DTHD1: variants seen among roughly 807,000 people sequenced by gnomAD.
The protein encoded by DTHD1 is death domain containing 1, also known as death domain-containing protein 1.
In DTHD1, 59 loss-of-function variants were observed where a neutral mutation model predicts 74.8. That is an observed-to-expected ratio of 0.79 (90% CI 0.64 to 0.98). The LOEUF (loss-of-function observed/expected upper bound fraction) is 0.98, where lower values mean the gene tolerates loss of function less well. DTHD1 is among the 50% of genes least tolerant of loss of function. The pLI is 0.00. For synonymous variants in DTHD1, 365 were observed against 371.1 expected (o/e 0.98, Z 0.19); for missense variants, 1,051 against 1,065.4 (o/e 0.99, Z 0.19).
intron 3 of DTHD1, among the ~76,000 whole-genome samples, chr4:36,292,197 C>G (rs1428656205): frequency 1.3e-5 from 2 of 152,014 alleles, no homozygotes; most frequent in African/African-American, 4.8e-5. Flanking sequence ...GACTGGGGCT[C>G]TTAAGTTTTG....
chr4:36,329,772 GGTT>G (rs1758563662), intron 8 of DTHD1, among the ~76,000 whole-genome samples: 1 of 152,160 alleles, frequency 6.6e-6, no homozygotes, highest in African/African-American at 2.4e-5. Context: ...GTAGAACTCA[GGTT>G]GTTGTTAACA....
chr4:36,301,112 A>T (rs1213768268), intron 5 of DTHD1, among the ~76,000 whole-genome samples: 1 of 152,138 alleles, frequency 6.6e-6, no homozygotes, highest in Non-Finnish European at 1.5e-5. Context: ...TCTTTTGAAT[A>T]TTGTTTATGA....
At chr4:36,295,153 A>C in intron 5 of DTHD1, 114 bp downstream of exon 5, 1 of 1,216,464 alleles carries the variant, frequency 8.2e-7, no homozygotes, top group Non-Finnish European at 1.1e-6. Flanking sequence ...ATATTATGAA[A>C]TATCTTTAAT....
Position 36,293,691 on chromosome 4 carries a change from C to A in DTHD1, c.1384C>A (p.Leu462Met). ...YPPGVFTSPV[L>M]VQLKIQPVDP... ...TCCAGGAGTTTTTACCTCTCCAGTG[C>A]TGGTGCAGTTAAAGGTAAACATATT... The change falls in exon 4 of 10, where the codon CTG (leucine) becomes ATG (methionine). Residue 462 changes from leucine to methionine, a missense_variant. Physicochemically the swap from Leu to Met is conservative, Grantham distance 15. Transcript: ENST00000639862. 6.6e-7 allele frequency: 1 copy of A among 1,522,114 alleles called. No individual in the cohort carries two copies. Among genetic ancestry groups the A allele is most frequent in the Non-Finnish European group, 8.9e-7 (1 of 1,128,774 alleles). 94.3% of individuals were successfully genotyped at this position (1,522,114 alleles called of 1,614,324 possible). A position where few individuals can be genotyped will look rare whatever the true frequency, so the allele number is the denominator to read the frequency against.
intron 8 of DTHD1, among the ~76,000 whole-genome samples, chr4:36,323,185 T>G (rs1474439979): frequency 1.3e-5 from 2 of 152,190 alleles, no homozygotes; most frequent in Non-Finnish European, 2.9e-5. Context: ...ATTATTTTTT[T>G]AAACTGAACT....
chr4:36,294,829 TA>T lies in DTHD1; in HGVS notation c.1437del (p.Ala480HisfsTer15). 6.5e-7 allele frequency: 1 copy of T among 1,550,006 alleles called. No homozygotes were observed. The highest frequency in any genetic ancestry group is 8.7e-7 in the Non-Finnish European group (1 of 1,145,734). On this transcript the variant is annotated frameshift_variant, in exon 5 of 10. Transcript: ENST00000639862. LOFTEE classifies it high-confidence loss of function. ...GTTGACCCAGCTCTGGTGGCACATT[TA>T]AAAGCACAGCAAGATACTTTCTACT... Reference protein sequence around the residue: ...QPVDPALVAHLKAQQDTFYSV... With the variant: ...QPVDPALVAHXKAQQDTFYSV...
intron 1 of DTHD1, 91 bp downstream of exon 1, chr4:36,282,120 A>T (rs1211314660): frequency 3.7e-6 from 4 of 1,087,378 alleles, no homozygotes; most frequent in Non-Finnish European, 4.9e-6. Context: ...CAGATAGGCT[A>T]AGATAGAGTT....
chr4:36,323,442 A>G (rs1343702598), intron 8 of DTHD1, among the ~76,000 whole-genome samples: 2 of 152,074 alleles, frequency 1.3e-5, no homozygotes, highest in South Asian at 2.1e-4. Flanking sequence ...TAGATAAATG[A>G]GATGATTCTG....
At chr4:36,304,411 G>A (rs1349297670) in intron 5 of DTHD1, among the ~76,000 whole-genome samples, 12 of 152,188 alleles carry the variant, frequency 7.9e-5, no homozygotes, top group Admixed American at 7.9e-4. Flanking sequence ...ATCTCCTGAA[G>A]TAACCAATAC....
Position 36,345,349 on chromosome 4 carries a change from T to C in DTHD1, c.*1525T>C, listed in dbSNP as rs971446842. 5.3e-5 allele frequency: 8 copies of C among 152,194 alleles called. No homozygotes were observed. The highest frequency in any genetic ancestry group is 1.0e-4 in the Non-Finnish European group (7 of 68,030). The allele number at this position is 152,194 out of a possible 1,614,324, so 9.4% of individuals were successfully genotyped here. On this transcript the variant is annotated 3_prime_UTR_variant, in exon 10 of 10. Transcript: ENST00000639862. Reference sequence around the variant, plus strand: ...GCTCTCTGAAGCAGTTGGATATAAATGGGACATTGAACTAGTTTCACTGAC... The same window carrying C: ...GCTCTCTGAAGCAGTTGGATATAAACGGGACATTGAACTAGTTTCACTGAC...
Position 36,282,910 on chromosome 4 carries a change from T to C in DTHD1, c.271+881T>C, listed in dbSNP as rs545763155. Among the ~76,000 whole-genome samples, 26 of 152,188 alleles carry C rather than the reference T, an allele frequency of 1.7e-4. 1 individual carries two copies. The South Asian group carries it at 5.4e-3, about 32-fold the overall frequency. ...GGGAGTGGAACATGGTCTTTGGCAA[T>C]ATAACAAGCAAATATATATTCAGAA... On this transcript the variant is annotated intron_variant, in intron 1 of 9. Transcript: ENST00000639862.
At chr4:36,311,237 C>T (rs1757389703) in intron 7 of DTHD1, 1 of 152,144 alleles carries the variant, frequency 6.6e-6, no homozygotes. Flanking sequence ...AATGAGCAGG[C>T]AGGATACCCA....
intron 8 of DTHD1, among the ~76,000 whole-genome samples, chr4:36,330,380 CA>C (rs1560816060): frequency 6.6e-6 from 1 of 152,066 alleles, no homozygotes; most frequent in Admixed American, 6.6e-5. Flanking sequence ...GTTTAAATGT[CA>C]TATTTGTCAT....
intron 5 of DTHD1, among the ~76,000 whole-genome samples, chr4:36,296,416 T>G (rs1212680938): frequency 1.3e-5 from 2 of 152,002 alleles, no homozygotes; most frequent in Non-Finnish European, 2.9e-5. Context: ...AATTTGATAT[T>G]GAGCATAAAT....
chr4:36,316,013 G>A (rs924804173), intron 7 of DTHD1, among the ~76,000 whole-genome samples: 2 of 152,198 alleles, frequency 1.3e-5, no homozygotes, highest in Non-Finnish European at 2.9e-5. Context: ...TCCGCTCACT[G>A]TAAGCACCGC....
intron 7 of DTHD1, among the ~76,000 whole-genome samples, chr4:36,314,343 T>C (rs1757571838): frequency 6.6e-6 from 1 of 151,992 alleles, no homozygotes; most frequent in South Asian, 2.1e-4. Flanking sequence ...GCATGCTGGC[T>C]TACAATAACC....
chr4:36,284,618 T>C, intron 2 of DTHD1, 27 bp downstream of exon 2: 2 of 1,445,316 alleles, frequency 1.4e-6, no homozygotes, highest in African/African-American at 1.4e-5. Context: ...TGGGAAGTGC[T>C]TAAGTATGCC....
At chr4:36,306,147 A>G (rs1408010868) in intron 5 of DTHD1, 44 bp from the exon 6 acceptor site, 1 of 1,481,966 alleles carries the variant, frequency 6.7e-7, no homozygotes, top group East Asian at 2.5e-5. Flanking sequence ...TAAGATTTAT[A>G]TCATGTAAAT....
intron 5 of DTHD1, among the ~76,000 whole-genome samples, chr4:36,297,613 G>A (rs1243287758): frequency 6.6e-6 from 1 of 152,132 alleles, no homozygotes; most frequent in Non-Finnish European, 1.5e-5. Flanking sequence ...TAACCAGAGA[G>A]TGTTATGCCT....
Sources: gnomAD v4.1 joint callset for allele counts (sites outside exome capture counted in the v4.1 genomes callset) on GRCh38, gnomAD v4.1.1 for gene constraint, MANE v1.5 for transcripts, NCBI Gene and HGNC (gene_info 2026-07-23, HGNC 2026-07-21) for gene names.